Variants in CCDC146 observed in about 807,000 individuals in gnomAD.
CCDC146 encodes coiled-coil domain-containing protein 146.
CCDC146 carries 92 observed loss-of-function variants against 119.3 expected under a neutral mutation model. The observed-to-expected ratio is 0.77, with a 90% CI of 0.65 to 0.92. The LOEUF is 0.92. Among genes scored for constraint, CCDC146 ranks in the 40% least tolerant of loss-of-function variants. The pLI is 0.00. For synonymous variants in CCDC146, 372 were observed against 371.8 expected, an observed-to-expected ratio of 1.00 and a Z score of -0.01; for missense variants, 1,000 against 1,103.0, an observed-to-expected ratio of 0.91 and a Z score of 1.32.
chr7:77,258,988 T>G lies in CCDC146; in HGVS notation c.685-7T>G. 1 of 1,604,298 alleles carries G rather than the reference T, an allele frequency of 6.2e-7. No homozygotes were observed. Among genetic ancestry groups the G allele is most frequent in the Non-Finnish European group, 8.5e-7 (1 of 1,172,348 alleles). On this transcript the variant is annotated splice_polypyrimidine_tract_variant and splice_region_variant and intron_variant, in intron 6 of 18. Transcript: ENST00000285871. ...CATAATTTAACATGATTTCGTTTCT[T>G]TACTAGGATGAAGTGGCCCACCATC...
At chr7:77,189,320 A>C (rs1791721737) in intron 2 of CCDC146, among the ~76,000 whole-genome samples, 2 of 152,088 alleles carry the variant, frequency 1.3e-5, no homozygotes, top group South Asian at 4.1e-4. Context: ...GTTATTATCT[A>C]CCACTGGCTG....
intron 1 of CCDC146, among the ~76,000 whole-genome samples, chr7:77,142,342 A>ATTTATTTC (rs1562813757): frequency 6.7e-6 from 1 of 149,692 alleles, no homozygotes; most frequent in Non-Finnish European, 1.5e-5. Context: ...TTATTTATTT[A>ATTTATTTC]TATTATACTT....
chr7:77,126,198 A>G (rs1790687578), intron 1 of CCDC146, among the ~76,000 whole-genome samples: 1 of 152,148 alleles, frequency 6.6e-6, no homozygotes, highest in Non-Finnish European at 1.5e-5. Flanking sequence ...CTTTTTCTGT[A>G]TCTATGAAGA....
chr7:77,199,298 T>C (rs768018604), intron 2 of CCDC146: 16 of 1,614,078 alleles, frequency 9.9e-6, no homozygotes, highest in Middle Eastern at 3.3e-4. Context: ...ATGTTGTTCA[T>C]ATTTACAAGA....
chr7:77,237,734 C>T (rs1407069865), intron 3 of CCDC146, among the ~76,000 whole-genome samples: 2 of 152,182 alleles, frequency 1.3e-5, no homozygotes, highest in Non-Finnish European at 2.9e-5. Flanking sequence ...GTCAGAAGAA[C>T]AGGCTATCAT....
chr7:77,198,155 G>C (rs533988992), intron 2 of CCDC146: 1 of 985,452 alleles, frequency 1.0e-6, no homozygotes, highest in African/African-American at 1.7e-5. Context: ...CAGTGTGCCA[G>C]GTACATTCAG....
At chr7:77,195,348 T>C (rs1324110012) in intron 2 of CCDC146, 2 of 152,216 alleles carry the variant, frequency 1.3e-5, no homozygotes, top group African/African-American at 4.8e-5. Flanking sequence ...CACAGTTACA[T>C]TGCTTTCTGA....
intron 2 of CCDC146, among the ~76,000 whole-genome samples, chr7:77,229,486 A>G (rs868675738): frequency 6.6e-6 from 1 of 152,148 alleles, no homozygotes; most frequent in Non-Finnish European, 1.5e-5. Context: ...TCTTGAGTTA[A>G]TTTTTATGTA....
chr7:77,130,837 T>C (rs1432286160), intron 1 of CCDC146, among the ~76,000 whole-genome samples: 1 of 150,536 alleles, frequency 6.6e-6, no homozygotes, highest in Non-Finnish European at 1.5e-5. Flanking sequence ...GACCTCGTGA[T>C]CCGCCCGTCT....
intron 2 of CCDC146, among the ~76,000 whole-genome samples, chr7:77,221,066 AG>A (rs755185835): frequency 1.3e-5 from 2 of 152,114 alleles, no homozygotes; most frequent in African/African-American, 2.4e-5. Flanking sequence ...GAGAGAGGAG[AG>A]GGAGGTGCTA....
rs35258178 is a variant in CCDC146, at chr7:77,292,301, A to AT, written c.2416-632dup. Among the ~76,000 whole-genome samples the AT allele has an allele frequency of 3.6e-3, 474 of 132,646 alleles. 4 individuals carry two copies. Among genetic ancestry groups the AT allele is most frequent in the African/African-American group, 9.8e-3 (340 of 34,852 alleles). The allele number at this position is 132,646 out of a possible 152,430, so 87.0% of individuals were successfully genotyped here. ...AGAACAAGACCTTGTCTTTATTTTA[A>AT]TTTTTTTTTTTTTTTTTTTAAAGAA... is the stretch of plus-strand genomic sequence containing the variant. On this transcript the variant is annotated intron_variant, in intron 17 of 18. Coordinates refer to ENST00000285871, the MANE Select transcript of CCDC146 (RefSeq NM_020879.3).
intron 1 of CCDC146, among the ~76,000 whole-genome samples, chr7:77,165,423 A>C (rs1198638164): frequency 8.6e-5 from 13 of 152,000 alleles, no homozygotes; most frequent in Admixed American, 8.5e-4. Flanking sequence ...GCCAGGCAGC[A>C]GTGTGCACAT....
At chr7:77,144,599 C>T (rs1282653538) in intron 1 of CCDC146, among the ~76,000 whole-genome samples, 1 of 151,728 alleles carries the variant, frequency 6.6e-6, no homozygotes, top group Admixed American at 6.6e-5. Context: ...CCATCAATAC[C>T]TAATTTATTG....
intron 1 of CCDC146, among the ~76,000 whole-genome samples, chr7:77,131,208 T>C (rs1262014900): frequency 6.6e-6 from 1 of 151,742 alleles, no homozygotes; most frequent in Admixed American, 6.5e-5. Context: ...CCCAAATTAC[T>C]CAACATATCA....
intron 18 of CCDC146, 95 bp downstream of exon 18, chr7:77,293,295 C>T: frequency 7.5e-7 from 1 of 1,328,136 alleles, no homozygotes; most frequent in South Asian, 1.4e-5. Context: ...GAAAAATTTC[C>T]CCACTCTACC....
intron 4 of CCDC146, chr7:77,246,404 A>C (rs1792951135): frequency 6.6e-6 from 1 of 152,212 alleles, no homozygotes; most frequent in Non-Finnish European, 1.5e-5. Context: ...TAGATCCTTA[A>C]AACCAAAAGC....
intron 18 of CCDC146, 30 bp downstream of exon 18, chr7:77,293,230 A>G (rs17151224): frequency 0.2 from 314,959 of 1,606,456 alleles, 33,248 homozygotes; most frequent in African/African-American, 0.37. Context: ...TTGCATTTCT[A>G]AAGGGTGCCA....
At position 77,259,000 on chromosome 7, in the gene CCDC146, A is replaced by T; in HGVS notation, c.690A>T (p.Glu230Asp). ...LLGHQVVLKD[E>D]VAHHQTIPVQ... ...TGATTTCGTTTCTTTACTAGGATGA[A>T]GTGGCCCACCATCAAACCATTCCAG... The change falls in exon 7 of 19, where the codon GAA (glutamate) becomes GAT (aspartate). Residue 230 changes from glutamate (E) to aspartate (D), a missense_variant. Around this residue, in one of 2 missense-constraint regions of CCDC146, gnomAD observed 985 missense variants for 1,045.3 expected, o/e 0.94. Coordinates refer to ENST00000285871, the MANE Select transcript of CCDC146 (RefSeq NM_020879.3). 1.9e-6 allele frequency: 3 copies of T among 1,610,720 alleles called. No individual in the cohort carries two copies. The highest frequency in any genetic ancestry group is 2.5e-6 in the Non-Finnish European group (3 of 1,177,302).
intron 7 of CCDC146, among the ~76,000 whole-genome samples, chr7:77,259,494 A>G (rs1376758877): frequency 6.6e-6 from 1 of 152,172 alleles, no homozygotes; most frequent in African/African-American, 2.4e-5. Context: ...TTCAGAGTAG[A>G]TTGGGAGGCA....
Sources: gnomAD v4.1 joint callset for allele counts (sites outside exome capture counted in the v4.1 genomes callset) on GRCh38, gnomAD v4.1.1 for gene constraint, gnomAD v4.1.1 regional missense constraint, MANE v1.5 for transcripts, NCBI Gene and HGNC (gene_info 2026-07-23, HGNC 2026-07-21) for gene names.